The following ART3 variants were observed in gnomAD, a reference collection of about 807,000 sequenced individuals.
The protein encoded by ART3 is ADP-ribosyltransferase 3 (inactive).
A neutral mutation model predicts 48.5 loss-of-function variants in ART3; 49 were observed. The observed-to-expected ratio is 1.01, with a 90% CI of 0.80 to 1.28. The LOEUF is 1.28. ART3 is among the 50% of genes most tolerant of loss of function. The pLI is 0.00. For missense variants in ART3, 438 were observed against 454.3 expected, an observed-to-expected ratio of 0.96 and a Z score of 0.33; for synonymous variants, 145 against 157.2, an observed-to-expected ratio of 0.92 and a Z score of 0.58.
intron 3 of ART3, 119 bp from the exon 4 acceptor site, chr4:76,097,525 A>T: frequency 1.2e-6 from 1 of 825,288 alleles, no homozygotes; most frequent in Non-Finnish European, 2.0e-6. Context: ...GCATCTTACT[A>T]ATTATGAGTC....
At chr4:76,063,500 T>C (rs1279938422) in intron 1 of ART3, among the ~76,000 whole-genome samples, 5 of 152,128 alleles carry the variant, frequency 3.3e-5, no homozygotes, top group Non-Finnish European at 7.3e-5. Context: ...AAGCTTATAA[T>C]CTGTAGTTAG....
In ART3 at chr4:76,092,573, A is replaced by T. The variant is rs149727564; in HGVS notation, c.782-5071A>T. On this transcript the variant is annotated intron_variant, in intron 3 of 11. Transcript: ENST00000355810. The stretch of plus-strand genomic sequence containing the variant: ...CTGCTTTTAAGACTTTGTGTTTATC[A>T]TACTTATTTGGACCAATTTGATTAT... Among the ~76,000 whole-genome samples the T allele has an allele frequency of 5.3e-3, 801 of 152,134 alleles. 4 individuals carry two copies. The highest frequency in any genetic ancestry group is 0.014 in the Middle Eastern group (4 of 294).
chr4:76,063,978 A>G (rs1719472401), intron 1 of ART3, among the ~76,000 whole-genome samples: 1 of 152,236 alleles, frequency 6.6e-6, no homozygotes, highest in African/African-American at 2.4e-5. Context: ...TTCCTACAAA[A>G]CAAAGATAAA....
intron 5 of ART3, chr4:76,099,394 T>C (rs981655065): frequency 2.2e-5 from 5 of 224,726 alleles, no homozygotes; most frequent in Non-Finnish European, 3.6e-5. Context: ...TTTGCAGATA[T>C]AAAGCAGTGA....
intron 3 of ART3, among the ~76,000 whole-genome samples, chr4:76,089,877 C>A (rs142651741): frequency 6.6e-6 from 1 of 152,032 alleles, no homozygotes; most frequent in African/African-American, 2.4e-5. Context: ...GTCAGGTGTT[C>A]GAGACCAGCC....
chr4:76,067,483 A>G (rs1282183670), intron 1 of ART3, among the ~76,000 whole-genome samples: 1 of 152,206 alleles, frequency 6.6e-6, no homozygotes, highest in African/African-American at 2.4e-5. Flanking sequence ...AAAACACTAA[A>G]TTACTGAGCT....
chr4:76,016,383 G>C (rs1043716812), intron 1 of ART3, among the ~76,000 whole-genome samples: 1 of 152,182 alleles, frequency 6.6e-6, no homozygotes, highest in Non-Finnish European at 1.5e-5. Flanking sequence ...TTACCAGGCC[G>C]ACTCTTGTTC....
chr4:76,059,793 T>C (rs182490998), intron 1 of ART3, among the ~76,000 whole-genome samples: 2 of 152,054 alleles, frequency 1.3e-5, no homozygotes, highest in East Asian at 3.9e-4. Flanking sequence ...AGGCAAACTT[T>C]ATAAACACAA....
intron 1 of ART3, among the ~76,000 whole-genome samples, chr4:76,051,659 C>T (rs911403111): frequency 1.3e-5 from 2 of 151,864 alleles, no homozygotes; most frequent in African/African-American, 4.8e-5. Context: ...CCCACCTCAG[C>T]CTCCTGAGTA....
chr4:76,049,979 C>A (rs1362212990), intron 1 of ART3, among the ~76,000 whole-genome samples: 1 of 151,576 alleles, frequency 6.6e-6, no homozygotes, highest in African/African-American at 2.4e-5. Flanking sequence ...AAGCTGCAGA[C>A]CTTAGCGGTG....
chr4:76,024,160 G>GT (rs1733148353), intron 1 of ART3, among the ~76,000 whole-genome samples: 1 of 152,104 alleles, frequency 6.6e-6, no homozygotes, highest in African/African-American at 2.4e-5. Flanking sequence ...GTTAAAACAA[G>GT]TTTCACGTCT....
intron 3 of ART3, among the ~76,000 whole-genome samples, chr4:76,086,159 A>G (rs972650918): frequency 6.6e-6 from 1 of 151,536 alleles, no homozygotes; most frequent in African/African-American, 2.4e-5. Context: ...TCACCGCCTC[A>G]TAAAGATATC....
At chr4:76,058,353 C>T (rs1304236263) in intron 1 of ART3, among the ~76,000 whole-genome samples, 1 of 152,104 alleles carries the variant, frequency 6.6e-6, no homozygotes. Context: ...GAATGAATTG[C>T]TTGAGTTTGG....
At chr4:76,084,185 G>C (rs1049622306) in intron 3 of ART3, among the ~76,000 whole-genome samples, 1 of 152,074 alleles carries the variant, frequency 6.6e-6, no homozygotes, top group African/African-American at 2.4e-5. Context: ...TAGGCCTGCT[G>C]AACATCCTGA....
chr4:76,092,847 T>A (rs1725204707), intron 3 of ART3, among the ~76,000 whole-genome samples: 1 of 152,250 alleles, frequency 6.6e-6, no homozygotes, highest in South Asian at 2.1e-4. Context: ...GTTTCATTTT[T>A]AGATGTTTTC....
At chr4:76,051,894 CTCTCT>C (rs761082308) in intron 1 of ART3, among the ~76,000 whole-genome samples, 6 of 111,222 alleles carry the variant, frequency 5.4e-5, no homozygotes, top group Non-Finnish European at 8.7e-5. Flanking sequence ...ATCTCTCTCT[CTCTCT>C]TTTTTTTTTT....
chr4:76,047,077 T>G (rs901348583), intron 1 of ART3, among the ~76,000 whole-genome samples: 1 of 151,998 alleles, frequency 6.6e-6, no homozygotes, highest in South Asian at 2.1e-4. Context: ...ACCTTCATCC[T>G]CTGGGGCAGT....
chr4:76,079,418 C>G (rs532124152), intron 2 of ART3, among the ~76,000 whole-genome samples: 1 of 152,116 alleles, frequency 6.6e-6, no homozygotes, highest in Admixed American at 6.5e-5. Flanking sequence ...AGACATGTTA[C>G]GTATGAAGGT....
Position 76,022,952 on chromosome 4 carries a change from A to C in ART3, c.-10+11632A>C, listed in dbSNP as rs146309314. ...CACTTAATCTGAGGAGGAATGGATC[A>C]CATCATAACACAACTGTAAATGATT... On this transcript the variant is annotated intron_variant, in intron 1 of 9. Coordinates refer to the ART3 transcript ENST00000341029. 8.7e-6 allele frequency: 7 copies of C among 803,452 alleles called. No homozygotes were observed. The Middle Eastern group carries it at 7.1e-4, about 81-fold the overall frequency. 49.8% of individuals were successfully genotyped at this position (803,452 alleles called of 1,614,324 possible).
Sources: allele counts gnomAD v4.1 joint callset (sites outside exome capture counted in the v4.1 genomes callset), GRCh38; gene constraint gnomAD v4.1.1; transcripts MANE v1.5; gene names NCBI Gene and HGNC (gene_info 2026-07-23, HGNC 2026-07-21).